Variants in PCDHA6 observed in about 807,000 individuals in gnomAD.
The protein encoded by PCDHA6 is protocadherin alpha-6.
PCDHA6 carries 55 observed loss-of-function variants against 60.3 expected under a neutral mutation model. That is an observed-to-expected ratio of 0.91 (90% CI 0.73 to 1.14). The LOEUF (loss-of-function observed/expected upper bound fraction) is 1.14. Ranked by LOEUF, PCDHA6 falls within the 50% of genes most tolerant of loss-of-function variation. The pLI is 0.00. For missense variants in PCDHA6, 1,327 were observed against 1,256.5 expected (o/e 1.06, Z -0.85); for synonymous variants, 652 against 557.9 (o/e 1.17, Z -2.38).
At chr5:140,877,599 C>T (rs1325384029) in intron 1 of PCDHA6, 5 of 1,613,882 alleles carry the variant, frequency 3.1e-6, no homozygotes, top group East Asian at 2.2e-5. Context: ...CGGTGTCCAG[C>T]CTGCTGGTGC....
intron 1 of PCDHA6, among the ~76,000 whole-genome samples, chr5:140,944,406 C>G (rs1003379783): frequency 6.6e-6 from 1 of 152,084 alleles, no homozygotes; most frequent in African/African-American, 2.4e-5. Flanking sequence ...AGGCTGGTCT[C>G]GAACTCCTGA....
chr5:140,872,850 G>A (rs1439631581), intron 1 of PCDHA6, among the ~76,000 whole-genome samples: 2 of 152,084 alleles, frequency 1.3e-5, no homozygotes, highest in East Asian at 3.8e-4. Context: ...ATATATTAAT[G>A]TGAGTACCTA....
intron 1 of PCDHA6, among the ~76,000 whole-genome samples, chr5:140,935,064 T>C (rs782620164): frequency 5.9e-5 from 9 of 152,252 alleles, no homozygotes; most frequent in Admixed American, 2.0e-4. Flanking sequence ...GATGTTCAGA[T>C]TATCTTGTAC....
intron 1 of PCDHA6, chr5:140,834,395 G>T (rs2150216541): frequency 6.3e-7 from 1 of 1,598,712 alleles, no homozygotes; most frequent in Non-Finnish European, 8.5e-7. Context: ...TGGTGTGCCC[G>T]AATGGATACG....
intron 1 of PCDHA6, among the ~76,000 whole-genome samples, chr5:140,976,876 G>A (rs1166300025): frequency 6.6e-6 from 1 of 152,160 alleles, no homozygotes; most frequent in Non-Finnish European, 1.5e-5. Flanking sequence ...GACAAAGAAA[G>A]AATTAGGATA....
intron 1 of PCDHA6, chr5:140,843,163 T>A (rs2150354219): frequency 1.9e-6 from 3 of 1,596,072 alleles, no homozygotes; most frequent in Non-Finnish European, 2.6e-6. Context: ...TGCAGCCAGC[T>A]GCAAGCAGCC....
At chr5:140,941,754 T>A (rs2093159057) in intron 1 of PCDHA6, among the ~76,000 whole-genome samples, 1 of 152,256 alleles carries the variant, frequency 6.6e-6, no homozygotes, top group African/African-American at 2.4e-5. Context: ...AGATTTTCAG[T>A]GCTTTTAAGA....
At chr5:140,951,440 A>G (rs1296002857) in intron 1 of PCDHA6, among the ~76,000 whole-genome samples, 2 of 152,004 alleles carry the variant, frequency 1.3e-5, no homozygotes, top group Non-Finnish European at 2.9e-5. Flanking sequence ...TGTAGGAAGC[A>G]TGATGCCGGC....
chr5:140,882,182 G>A (rs1357141908), intron 1 of PCDHA6: 1 of 1,518,510 alleles, frequency 6.6e-7, no homozygotes, highest in Non-Finnish European at 8.8e-7. Context: ...TCCGCACTAG[G>A]AAGCCATAAA....
chr5:140,936,113 G>T (rs1316824905), intron 1 of PCDHA6, among the ~76,000 whole-genome samples: 1 of 151,964 alleles, frequency 6.6e-6, no homozygotes, highest in African/African-American at 2.4e-5. Flanking sequence ...GGCTGGTCTC[G>T]AACTCCTGAC....
chr5:140,907,439 A>T (rs1217956706), intron 1 of PCDHA6, among the ~76,000 whole-genome samples: 1 of 152,250 alleles, frequency 6.6e-6, no homozygotes, highest in Non-Finnish European at 1.5e-5. Flanking sequence ...CTGTGAGTCC[A>T]CAGATGGTAA....
At chr5:141,004,348 C>A (rs1554259549) in intron 3 of PCDHA6, among the ~76,000 whole-genome samples, 1 of 152,216 alleles carries the variant, frequency 6.6e-6, no homozygotes, top group Non-Finnish European at 1.5e-5. Context: ...CTGTGAGGGA[C>A]TGGAGAGACC....
intron 1 of PCDHA6, chr5:140,850,713 G>C (rs186966305): frequency 6.3e-7 from 1 of 1,598,196 alleles, no homozygotes; most frequent in Non-Finnish European, 8.6e-7. Context: ...GCCGACGCTG[G>C]TGTGTTCTAG....
intron 1 of PCDHA6, among the ~76,000 whole-genome samples, chr5:140,906,235 C>G (rs1319955366): frequency 1.3e-5 from 2 of 152,174 alleles, no homozygotes; most frequent in African/African-American, 4.8e-5. Flanking sequence ...CTCCCCTTGT[C>G]AACTTGAACC....
At chr5:140,938,158 C>G (rs1308976624) in intron 1 of PCDHA6, among the ~76,000 whole-genome samples, 1 of 152,112 alleles carries the variant, frequency 6.6e-6, no homozygotes, top group African/African-American at 2.4e-5. Flanking sequence ...ATTGCCCAGG[C>G]TAGTCTGGAG....
intron 3 of PCDHA6, among the ~76,000 whole-genome samples, chr5:141,003,801 A>T (rs1554259323): frequency 1.3e-5 from 2 of 152,172 alleles, no homozygotes; most frequent in African/African-American, 4.8e-5. Context: ...ATTGGGTTGT[A>T]ATCTGTAGTC....
At chr5:140,990,627 A>G (rs782672988) in intron 3 of PCDHA6, among the ~76,000 whole-genome samples, 16 of 152,198 alleles carry the variant, frequency 1.1e-4, no homozygotes, top group Non-Finnish European at 1.5e-4. Flanking sequence ...GTCTGTGGTA[A>G]GACTAGAAGC....
intron 3 of PCDHA6, among the ~76,000 whole-genome samples, chr5:140,986,030 C>T (rs1190318789): frequency 2.6e-5 from 4 of 152,174 alleles, no homozygotes; most frequent in Non-Finnish European, 2.9e-5. Flanking sequence ...TGAGCCACTG[C>T]GCCTGGCCTC....
intron 1 of PCDHA6, among the ~76,000 whole-genome samples, chr5:140,919,430 T>C (rs935963449): frequency 1.3e-5 from 2 of 152,196 alleles, no homozygotes; most frequent in Non-Finnish European, 2.9e-5. Flanking sequence ...TGCCTTTTGA[T>C]TGGGTTCTTT....
Sources: allele counts gnomAD v4.1 joint callset (sites outside exome capture counted in the v4.1 genomes callset), GRCh38; gene constraint gnomAD v4.1.1; transcripts MANE v1.5; gene names NCBI Gene and HGNC (gene_info 2026-07-23, HGNC 2026-07-21).